Variants in CDK14 observed in about 807,000 individuals in gnomAD.
The protein encoded by CDK14 is cyclin-dependent kinase 14.
CDK14 carries 34 observed loss-of-function variants against 60.7 expected under a neutral mutation model. The ratio of observed to expected loss-of-function variants is 0.56; its 90% CI spans 0.43 to 0.75. The LOEUF is 0.75. Among genes scored for constraint, CDK14 ranks in the 30% least tolerant of loss-of-function variants. CDK14 has a pLI of 0.00. For synonymous variants in CDK14, 197 were observed against 203.7 expected (o/e 0.97, Z 0.28); for missense variants, 482 against 564.1 (o/e 0.85, Z 1.47).
chr7:91,004,000 G>A (rs564949695), intron 10 of CDK14, among the ~76,000 whole-genome samples: 1 of 152,236 alleles, frequency 6.6e-6, no homozygotes, highest in South Asian at 2.1e-4. Flanking sequence ...ATGTGGAATA[G>A]AGCTAAAGCA....
At chr7:90,901,119 C>G (rs3802042) in intron 7 of CDK14, among the ~76,000 whole-genome samples, 24,607 of 152,110 alleles carry the variant, frequency 0.16, 2,277 homozygotes, top group Middle Eastern at 0.28. Flanking sequence ...AGCTCTTATT[C>G]AAGCTTTGTG....
chr7:91,116,021 A>C (rs1799599076), intron 13 of CDK14, among the ~76,000 whole-genome samples: 1 of 152,112 alleles, frequency 6.6e-6, no homozygotes. Flanking sequence ...GCACCCTGTC[A>C]TTCTCCCTCT....
At chr7:91,045,509 T>G (rs1584261656) in intron 10 of CDK14, among the ~76,000 whole-genome samples, 1 of 152,166 alleles carries the variant, frequency 6.6e-6, no homozygotes, top group East Asian at 1.9e-4. Flanking sequence ...TTGTTGGAAC[T>G]GTTAAATGAT....
chr7:90,671,597 G>A (rs954100232), intron 2 of CDK14, among the ~76,000 whole-genome samples: 4 of 152,162 alleles, frequency 2.6e-5, no homozygotes, highest in South Asian at 4.2e-4. Flanking sequence ...TAGCAAGCTC[G>A]TATATTTTTA....
At chr7:90,746,036 G>T (rs935133411) in intron 3 of CDK14, among the ~76,000 whole-genome samples, 3 of 152,244 alleles carry the variant, frequency 2.0e-5, no homozygotes, top group African/African-American at 7.2e-5. Flanking sequence ...TGCCTCCACA[G>T]CTTGCTTGGG....
intron 2 of CDK14, among the ~76,000 whole-genome samples, chr7:90,645,233 A>G (rs1361884795): frequency 2.6e-5 from 4 of 152,188 alleles, no homozygotes; most frequent in Non-Finnish European, 4.4e-5. Flanking sequence ...GGCCACTCAT[A>G]AATACATCCT....
chr7:91,158,455 G>T (rs1006647005), intron 14 of CDK14, among the ~76,000 whole-genome samples: 1 of 151,972 alleles, frequency 6.6e-6, no homozygotes, highest in Admixed American at 6.6e-5. Flanking sequence ...CAGCTCAAGC[G>T]ATCTGCCTGC....
intron 7 of CDK14, among the ~76,000 whole-genome samples, 163 bp from the exon 8 acceptor site, chr7:90,917,438 A>G (rs726303): frequency 0.093 from 14,231 of 152,292 alleles, 795 homozygotes; most frequent in East Asian, 0.18. Context: ...TGAATTAGGA[A>G]TTTACATACT....
At chr7:90,662,619 C>A (rs1259484615) in intron 2 of CDK14, among the ~76,000 whole-genome samples, 1 of 152,242 alleles carries the variant, frequency 6.6e-6, no homozygotes, top group African/African-American at 2.4e-5. Flanking sequence ...TACTTCCTCA[C>A]AGAAATGCAA....
chr7:90,779,231 C>G (rs753976591), intron 4 of CDK14, among the ~76,000 whole-genome samples: 2 of 151,972 alleles, frequency 1.3e-5, no homozygotes, highest in Non-Finnish European at 2.9e-5. Flanking sequence ...CCAGCCTGGG[C>G]AACAGGGTGA....
At chr7:90,792,763 T>C (rs574481039) in intron 5 of CDK14, among the ~76,000 whole-genome samples, 2 of 152,348 alleles carry the variant, frequency 1.3e-5, no homozygotes, top group East Asian at 3.9e-4. Context: ...TCTACTCTGT[T>C]AGCCGTATAA....
chr7:90,810,370 C>G (rs1789043196), intron 5 of CDK14, among the ~76,000 whole-genome samples: 1 of 152,128 alleles, frequency 6.6e-6, no homozygotes, highest in Admixed American at 6.5e-5. Flanking sequence ...AAGAGAAAAA[C>G]CACATGATTA....
intron 10 of CDK14, among the ~76,000 whole-genome samples, chr7:90,987,895 A>G (rs1795417020): frequency 6.6e-6 from 1 of 152,152 alleles, no homozygotes; most frequent in South Asian, 2.1e-4. Context: ...GAGATAATCA[A>G]CTTTGTAAAG....
chr7:90,639,691 CTT>C (rs371658045), intron 2 of CDK14, among the ~76,000 whole-genome samples: 13,720 of 136,872 alleles, frequency 0.1, 1,455 homozygotes, highest in South Asian at 0.17. Context: ...TTACTGCTGT[CTT>C]TTTGTTTGTC....
intron 5 of CDK14, among the ~76,000 whole-genome samples, chr7:90,854,368 C>G (rs1790750652): frequency 6.6e-6 from 1 of 151,874 alleles, no homozygotes; most frequent in Non-Finnish European, 1.5e-5. Context: ...TAGAAACAAA[C>G]AAACAACAAC....
intron 14 of CDK14, among the ~76,000 whole-genome samples, chr7:91,196,482 A>G (rs1369898332): frequency 2.6e-5 from 4 of 152,256 alleles, no homozygotes; most frequent in East Asian, 1.9e-4. Context: ...AGGCAAATCA[A>G]TTGATGCTGT....
intron 2 of CDK14, among the ~76,000 whole-genome samples, chr7:90,675,286 C>CA (rs1801177079): frequency 6.6e-6 from 1 of 152,020 alleles, no homozygotes; most frequent in African/African-American, 2.4e-5. Flanking sequence ...TTTGTTGTAG[C>CA]AATATTATAA....
chr7:90,855,550 C>T (rs1264778398), intron 5 of CDK14, among the ~76,000 whole-genome samples: 1 of 152,146 alleles, frequency 6.6e-6, no homozygotes, highest in Non-Finnish European at 1.5e-5. Flanking sequence ...TCAGCTATAA[C>T]TATAATTTGA....
At chr7:90,644,648 C>T (rs539426429) in intron 2 of CDK14, among the ~76,000 whole-genome samples, 22 of 152,292 alleles carry the variant, frequency 1.4e-4, no homozygotes, top group South Asian at 6.2e-4. Flanking sequence ...AAATCCTACA[C>T]GGAAGAAACC....
Sources: allele counts gnomAD v4.1 joint callset (sites outside exome capture counted in the v4.1 genomes callset), GRCh38; gene constraint gnomAD v4.1.1; transcripts MANE v1.5; gene names NCBI Gene and HGNC (gene_info 2026-07-23, HGNC 2026-07-21).